The following GSE1 variants were observed in gnomAD, a reference collection of about 807,000 sequenced individuals.
GSE1 encodes genetic suppressor element 1.
A neutral mutation model predicts 112.6 loss-of-function variants in GSE1; 32 were observed. The ratio of observed to expected loss-of-function variants is 0.28; its 90% confidence interval spans 0.21 to 0.38. GSE1 has a LOEUF of 0.38. Ranked by LOEUF, GSE1 falls within the 10% of genes least tolerant of loss-of-function variation. GSE1 has a pLI of 1.00. For missense variants in GSE1, 2,348 were observed against 1,699.2 expected (o/e 1.38, Z -6.71); for synonymous variants, 1,115 against 735.6 (o/e 1.52, Z -8.35).
chr16:85,486,478 C>T (rs1409686020), intron 2 of GSE1, among the ~76,000 whole-genome samples: 2 of 152,226 alleles, frequency 1.3e-5, no homozygotes, highest in East Asian at 1.9e-4. Context: ...ACATTGCAGC[C>T]GCTAAGTGGC....
intron 2 of GSE1, among the ~76,000 whole-genome samples, chr16:85,488,421 A>G (rs1024260709): frequency 1.3e-5 from 2 of 152,142 alleles, no homozygotes; most frequent in Non-Finnish European, 2.9e-5. Flanking sequence ...CCAGCACGTT[A>G]CAGCCTACGG....
At chr16:85,477,523 G>A (rs2151860007) in intron 2 of GSE1, among the ~76,000 whole-genome samples, 1 of 151,346 alleles carries the variant, frequency 6.6e-6, no homozygotes, top group Non-Finnish European at 1.5e-5. Context: ...GGCTCTCGGT[G>A]GTCACTTTCC....
chr16:85,635,649 T>C (rs1057329742), intron 2 of GSE1, among the ~76,000 whole-genome samples: 3 of 152,180 alleles, frequency 2.0e-5, no homozygotes, highest in South Asian at 2.1e-4. Context: ...TTGTCTTTTT[T>C]TCTCAGCGTT....
chr16:85,560,772 T>C (rs1236939252), intron 1 of GSE1, among the ~76,000 whole-genome samples: 2 of 152,126 alleles, frequency 1.3e-5, no homozygotes, highest in Non-Finnish European at 2.9e-5. Flanking sequence ...TGGCGCAGAC[T>C]GGGTGTCTCC....
At chr16:85,633,227 C>T (rs916473655) in intron 1 of GSE1, among the ~76,000 whole-genome samples, 5 of 152,296 alleles carry the variant, frequency 3.3e-5, no homozygotes, top group South Asian at 2.1e-4. Context: ...TCTTCCCCAC[C>T]GCTCCCTGTC....
At chr16:85,602,243 G>C (rs117656084) in intron 1 of GSE1, among the ~76,000 whole-genome samples, 1 of 152,198 alleles carries the variant, frequency 6.6e-6, no homozygotes, top group African/African-American at 2.4e-5. Flanking sequence ...AGGCCGAGGC[G>C]GGGGCCAGGC....
intron 1 of GSE1, among the ~76,000 whole-genome samples, chr16:85,331,373 G>GTGTATATATATGTATATATATGTA (rs2046343569): frequency 1.2e-5 from 1 of 84,490 alleles, no homozygotes; most frequent in Non-Finnish European, 2.9e-5. Flanking sequence ...GTGTATATAT[G>GTGTATATATATGTATATATATGTA]TATATATATG....
intron 2 of GSE1, among the ~76,000 whole-genome samples, chr16:85,522,186 C>T (rs2052207817): frequency 6.6e-6 from 1 of 152,328 alleles, no homozygotes; most frequent in East Asian, 1.9e-4. Context: ...CTCCTCTCCT[C>T]CTCCCACAGC....
intron 1 of GSE1, among the ~76,000 whole-genome samples, chr16:85,256,924 C>A (rs9936970): frequency 6.6e-6 from 1 of 152,150 alleles, no homozygotes; most frequent in South Asian, 2.1e-4. Flanking sequence ...TGTGGCCGGT[C>A]TCCACTGCAT....
intron 1 of GSE1, among the ~76,000 whole-genome samples, chr16:85,626,513 A>C (rs2049081362): frequency 6.6e-6 from 1 of 152,218 alleles, no homozygotes; most frequent in Non-Finnish European, 1.5e-5. Context: ...AAAAATTACC[A>C]AGAGGGGTGA....
intron 2 of GSE1, among the ~76,000 whole-genome samples, chr16:85,641,098 C>T (rs1014439484): frequency 6.6e-6 from 1 of 152,250 alleles, no homozygotes; most frequent in Non-Finnish European, 1.5e-5. Context: ...CCTCCCCTAG[C>T]CACGTGGACA....
chr16:85,653,563 A>G (rs1332362338), intron 3 of GSE1, among the ~76,000 whole-genome samples: 1 of 151,624 alleles, frequency 6.6e-6, no homozygotes, highest in Admixed American at 6.6e-5. Context: ...AGCTACACCC[A>G]GGTCCACTGT....
At position 85,544,182 on chromosome 16, in the gene GSE1, G is replaced by A. The variant is rs946101781; in HGVS notation, c.2465-89732G>A. On this transcript the variant is annotated intron_variant, in intron 2 of 2. Coordinates refer to the GSE1 transcript ENST00000637419. Reference sequence around the variant, plus strand: ...GACTGTGCCGTTCTATTGACATCTCGTGGGTCGAGGCCGGGGATGTTGCTA... The same window carrying A: ...GACTGTGCCGTTCTATTGACATCTCATGGGTCGAGGCCGGGGATGTTGCTA... Among the ~76,000 whole-genome samples the A allele has an allele frequency of 1.9e-4, 29 of 152,154 alleles. No individual in the cohort carries two copies. In the East Asian group the frequency reaches 2.5e-3, roughly 13 times the overall value.
chr16:85,240,624 C>T (rs529342758), intron 1 of GSE1, among the ~76,000 whole-genome samples: 142 of 152,274 alleles, frequency 9.3e-4, no homozygotes, highest in African/African-American at 3.1e-3. Context: ...CAGACTTAAA[C>T]GAGATGGTGC....
intron 2 of GSE1, among the ~76,000 whole-genome samples, chr16:85,512,384 C>T (rs932374625): frequency 2.6e-5 from 4 of 152,190 alleles, no homozygotes; most frequent in Non-Finnish European, 4.4e-5. Flanking sequence ...CCTGGGTTCT[C>T]CAGAAGGGAC....
intron 2 of GSE1, among the ~76,000 whole-genome samples, chr16:85,475,833 A>G (rs2050436680): frequency 6.8e-6 from 1 of 146,422 alleles, no homozygotes; most frequent in African/African-American, 2.6e-5. Context: ...TCTGTTGCCC[A>G]GGTTGGTCTC....
chr16:85,493,727 T>C (rs923327550), intron 2 of GSE1, among the ~76,000 whole-genome samples: 1 of 142,836 alleles, frequency 7.0e-6, no homozygotes, highest in African/African-American at 2.6e-5. Flanking sequence ...GAGGTAGAGG[T>C]TGTGGTAAGC....
intron 2 of GSE1, among the ~76,000 whole-genome samples, chr16:85,425,777 G>A (rs1284228732): frequency 6.6e-6 from 1 of 152,326 alleles, no homozygotes; most frequent in Non-Finnish European, 1.5e-5. Flanking sequence ...CTGAGGCTGA[G>A]AGACGAAGTA....
intron 2 of GSE1, among the ~76,000 whole-genome samples, chr16:85,532,213 C>T (rs766528503): frequency 8.5e-5 from 13 of 152,174 alleles, no homozygotes; most frequent in East Asian, 1.9e-4. Context: ...AACTGAGGCA[C>T]GTAGGAGTAT....
Sources: gnomAD v4.1 joint callset for allele counts (sites outside exome capture counted in the v4.1 genomes callset) on GRCh38, gnomAD v4.1.1 for gene constraint, MANE v1.5 for transcripts, NCBI Gene and HGNC (gene_info 2026-07-23, HGNC 2026-07-21) for gene names.